DHX37: variants seen among roughly 807,000 people sequenced by gnomAD.
The protein encoded by DHX37 is DEAH-box helicase 37, also known as probable ATP-dependent RNA helicase DHX37.
Under a neutral mutation model 134.3 loss-of-function variants are expected in DHX37, and 52 were observed. The observed-to-expected ratio is 0.39, with a 90% CI of 0.31 to 0.49. The LOEUF (loss-of-function observed/expected upper bound fraction) is 0.49. DHX37 is among the 20% of genes least tolerant of loss of function. The probability of loss-of-function intolerance (pLI) is 0.93; values close to 1 mark genes in which losing one functional copy is unlikely to be tolerated. For synonymous variants in DHX37, 634 were observed against 670.7 expected (o/e 0.95, Z 0.85); for missense variants, 1,344 against 1,580.8 (o/e 0.85, Z 2.54).
chr12:124,965,048 G>A, intron 13 of DHX37, 42 bp from the exon 14 acceptor site: 1 of 1,567,028 alleles, frequency 6.4e-7, no homozygotes. Context: ...GGCCGGGACA[G>A]ATGCCCACAG....
In DHX37 at chr12:124,957,018, C is replaced by T. The variant is rs770467903; in HGVS notation, c.2264+11G>A. The T allele has an allele frequency of 2.0e-6, 3 of 1,521,004 alleles. No individual in the cohort carries two copies. The Admixed American group carries it at 6.6e-5, about 33-fold the overall frequency. 94.2% of individuals were successfully genotyped at this position (1,521,004 alleles called of 1,614,324 possible). On this transcript the variant is annotated intron_variant, in intron 17 of 26. Transcript: ENST00000308736. ...GGGGCAGGAACTGGGCTCTGCATCT[C>T]TTGGCCTTACCTTTCTGCTTTCTGG...
intron 20 of DHX37, chr12:124,952,956 C>G (rs1213465772): frequency 6.4e-6 from 1 of 155,380 alleles, no homozygotes; most frequent in Non-Finnish European, 1.4e-5. Flanking sequence ...TGGCCTCATC[C>G]TTCCCTTCTC....
At chr12:124,957,557 G>A (rs560685889) in intron 16 of DHX37, among the ~76,000 whole-genome samples, 13 of 152,096 alleles carry the variant, frequency 8.5e-5, no homozygotes, top group African/African-American at 2.4e-4. Flanking sequence ...AGGCTGAGGC[G>A]GGTAGATCAC....
At chr12:124,956,922 T>C in intron 17 of DHX37, 43 bp from the exon 18 acceptor site, 1 of 1,550,776 alleles carries the variant, frequency 6.4e-7, no homozygotes, top group South Asian at 1.2e-5. Context: ...AGAGGAGCTC[T>C]GGAGCCACAG....
At position 124,971,314 on chromosome 12, in the gene DHX37, A is replaced by G; in HGVS notation, c.1179T>C (p.Thr393=). The change falls in exon 8 of 27, where the codon ACT becomes ACC. Residue 393 remains threonine, a synonymous_variant. Coordinates refer to ENST00000308736, the MANE Select transcript of DHX37 (RefSeq NM_032656.4). ...CCTCCTGCGCTACCTTAGCCCGGAG[A>G]GTCACAATGCGGGACAGGAGGCCGA... ...ILIGLLSRIV[T]LRAKRNLPLK... The G allele has an allele frequency of 6.2e-7, 1 of 1,612,750 alleles. No individual in the cohort carries two copies. The highest frequency in any genetic ancestry group is 2.2e-5 in the East Asian group (1 of 44,870).
chr12:124,975,762 C>G (rs1342315196), intron 5 of DHX37, among the ~76,000 whole-genome samples: 1 of 152,160 alleles, frequency 6.6e-6, no homozygotes. Context: ...CCTGGGGGAA[C>G]CAGGCTGGGA....
chr12:124,951,174 G>A (rs1006044259), intron 21 of DHX37, among the ~76,000 whole-genome samples: 2 of 152,096 alleles, frequency 1.3e-5, no homozygotes, highest in African/African-American at 4.8e-5. Flanking sequence ...CCAGCTACTT[G>A]GGAGGCTGAG....
chr12:124,947,725 C>A lies in DHX37; in HGVS notation c.*77G>T. On this transcript the variant is annotated 3_prime_UTR_variant, in exon 27 of 27. Coordinates refer to ENST00000308736, the MANE Select transcript of DHX37 (RefSeq NM_032656.4). Reference sequence around the variant, plus strand: ...GGCCACGAAGCCCATGCCAGGTGGTCACGGTCGCACGGTGACAGGCTGCTG... The same window carrying A: ...GGCCACGAAGCCCATGCCAGGTGGTAACGGTCGCACGGTGACAGGCTGCTG... The A allele has an allele frequency of 1.4e-6, 2 of 1,480,576 alleles. No homozygotes were observed. Among genetic ancestry groups the A allele is most frequent in the South Asian group, 1.4e-5 (1 of 70,076 alleles). 91.7% of individuals were successfully genotyped at this position (1,480,576 alleles called of 1,614,324 possible).
intron 15 of DHX37, among the ~76,000 whole-genome samples, 177 bp downstream of exon 15, chr12:124,964,217 A>AG (rs1954331187): frequency 6.6e-6 from 1 of 150,572 alleles, no homozygotes; most frequent in Non-Finnish European, 1.5e-5. Flanking sequence ...AAAAAAAAAA[A>AG]TAGTGTGAGT....
At chr12:124,971,684 G>C (rs1025320074) in intron 7 of DHX37, among the ~76,000 whole-genome samples, 1 of 152,196 alleles carries the variant, frequency 6.6e-6, no homozygotes, top group African/African-American at 2.4e-5. Context: ...GCCACCCCCA[G>C]GAGTCCCAGT....
chr12:124,970,004 G>A (rs545773417), intron 8 of DHX37, among the ~76,000 whole-genome samples: 21 of 152,206 alleles, frequency 1.4e-4, no homozygotes, highest in African/African-American at 4.1e-4. Flanking sequence ...ATGAAGTCTC[G>A]CTTTCTCACC....
chr12:124,965,577 A>G, intron 13 of DHX37, 91 bp downstream of exon 13: 1 of 1,464,102 alleles, frequency 6.8e-7, no homozygotes, highest in Non-Finnish European at 9.0e-7. Flanking sequence ...AGCTGCTAGA[A>G]CCCCGGCCCC....
At chr12:124,958,896 G>A (rs917342193) in intron 16 of DHX37, among the ~76,000 whole-genome samples, 4 of 142,580 alleles carry the variant, frequency 2.8e-5, no homozygotes, top group African/African-American at 5.2e-5. Flanking sequence ...AGTGCTGTGA[G>A]CCAATGCACC....
intron 21 of DHX37, among the ~76,000 whole-genome samples, chr12:124,951,369 G>A (rs1285672664): frequency 1.3e-5 from 2 of 151,744 alleles, no homozygotes; most frequent in African/African-American, 4.8e-5. Context: ...GGCCAGACAT[G>A]AAAAGCCATG....
chr12:124,955,475 C>T (rs559216463), intron 18 of DHX37, among the ~76,000 whole-genome samples: 8 of 152,198 alleles, frequency 5.3e-5, no homozygotes, highest in Non-Finnish European at 1.0e-4. Flanking sequence ...TCACCATGCC[C>T]GCTTTTTGAT....
Position 124,978,561 on chromosome 12 carries a change from A to C in DHX37, c.739-1071T>G, listed in dbSNP as rs969962373. Among the ~76,000 whole-genome samples the C allele has an allele frequency of 6.3e-3, 880 of 140,596 alleles. 12 individuals carry two copies. Among genetic ancestry groups the C allele is most frequent in the African/African-American group, 0.022 (832 of 38,348 alleles). 92.2% of individuals were successfully genotyped at this position (140,596 alleles called of 152,430 possible). On this transcript the variant is annotated intron_variant, in intron 4 of 26. Transcript: ENST00000308736. ...TCAAACTCCTGACCTCAGGTGATCC[A>C]CCCGCCTCGGCCTCCCAAAGTGTTG...
intron 8 of DHX37, among the ~76,000 whole-genome samples, chr12:124,969,466 C>T (rs1279126334): frequency 6.6e-6 from 1 of 152,120 alleles, no homozygotes; most frequent in Non-Finnish European, 1.5e-5. Context: ...GGCCAAAGCA[C>T]CTCTGTGGGA....
intron 2 of DHX37, among the ~76,000 whole-genome samples, chr12:124,984,967 G>A (rs1470833189): frequency 2.0e-5 from 3 of 152,150 alleles, no homozygotes; most frequent in African/African-American, 7.2e-5. Flanking sequence ...AGCGCCCTTC[G>A]AAGAGACACA....
At chr12:124,960,569 T>G (rs1954216250) in intron 15 of DHX37, 146 bp from the exon 16 acceptor site, 3 of 1,355,614 alleles carry the variant, frequency 2.2e-6, no homozygotes, top group Non-Finnish European at 3.0e-6. Context: ...GCAGGCACGG[T>G]GCTTTACCGC....
Sources: gnomAD v4.1 joint callset for allele counts (sites outside exome capture counted in the v4.1 genomes callset) on GRCh38, gnomAD v4.1.1 for gene constraint, MANE v1.5 for transcripts, NCBI Gene and HGNC (gene_info 2026-07-23, HGNC 2026-07-21) for gene names.